Variants in RBM20 observed in about 807,000 individuals in gnomAD.
RBM20 encodes RNA binding motif protein 20.
In RBM20, 51 loss-of-function variants were observed where a neutral mutation model predicts 110.1. That is an observed-to-expected ratio of 0.46 (90% CI 0.37 to 0.59). The LOEUF (loss-of-function observed/expected upper bound fraction) is 0.59, where lower values mean the gene tolerates loss of function less well. RBM20 is among the 20% of genes least tolerant of loss of function. RBM20 has a pLI of 0.00. For missense variants in RBM20, 1,512 were observed against 1,574.9 expected (o/e 0.96, Z 0.68); for synonymous variants, 589 against 618.2 (o/e 0.95, Z 0.70).
At chr10:110,646,137 A>G (rs961484304) in intron 1 of RBM20, among the ~76,000 whole-genome samples, 1 of 152,216 alleles carries the variant, frequency 6.6e-6, no homozygotes, top group Non-Finnish European at 1.5e-5. Context: ...GCTTGAAATC[A>G]GGCTGCATAT....
chr10:110,820,482 A>G (rs1844894771), intron 10 of RBM20, among the ~76,000 whole-genome samples: 1 of 152,210 alleles, frequency 6.6e-6, no homozygotes, highest in Admixed American at 6.5e-5. Flanking sequence ...GGCTCCCAAA[A>G]TAGACAAGTC....
intron 1 of RBM20, among the ~76,000 whole-genome samples, chr10:110,718,003 G>C (rs1287552135): frequency 6.6e-6 from 1 of 152,194 alleles, no homozygotes; most frequent in Admixed American, 6.5e-5. Flanking sequence ...TCGGGCATCT[G>C]TTCTGTTTGA....
chr10:110,673,172 C>A (rs1434989027), intron 1 of RBM20, among the ~76,000 whole-genome samples: 1 of 152,104 alleles, frequency 6.6e-6, no homozygotes, highest in Non-Finnish European at 1.5e-5. Flanking sequence ...GTTCTTGATA[C>A]ATATTCCTGA....
intron 1 of RBM20, among the ~76,000 whole-genome samples, chr10:110,741,374 T>A (rs1564831528): frequency 6.6e-6 from 1 of 152,206 alleles, no homozygotes; most frequent in Non-Finnish European, 1.5e-5. Context: ...GATGTCAGTA[T>A]TTAGGGGACT....
rs1487235723 is a variant in RBM20, at chr10:110,781,061, G to A, written c.452G>A (p.Gly151Glu). Residue 151 changes from glycine (G) to glutamate (E), a missense_variant, in exon 2 of 14, where the codon GGG becomes GAG. Transcript: ENST00000369519. ...SVITGPHGHAGVPQHAAAIPS... is the reference protein window; with the variant it reads ...SVITGPHGHAEVPQHAAAIPS... Reference sequence around the variant, plus strand: ...ATCACTGGCCCCCACGGCCATGCTGGGGTTCCCCAACATGCTGCAGCCATA... The same window carrying A: ...ATCACTGGCCCCCACGGCCATGCTGAGGTTCCCCAACATGCTGCAGCCATA... 5 of 1,551,808 alleles carry A rather than the reference G, an allele frequency of 3.2e-6. No individual in the cohort carries two copies. The highest frequency in any genetic ancestry group is 4.4e-6 in the Non-Finnish European group (5 of 1,147,022).
chr10:110,737,177 CAAAA>C (rs550138775), intron 1 of RBM20, among the ~76,000 whole-genome samples: 7 of 26,626 alleles, frequency 2.6e-4, no homozygotes, highest in South Asian at 1.3e-3. Flanking sequence ...AACTCTGCCT[CAAAA>C]AAAAAAAAAA....
chr10:110,825,185 A>G (rs1844968320), intron 12 of RBM20, among the ~76,000 whole-genome samples: 1 of 152,162 alleles, frequency 6.6e-6, no homozygotes, highest in Admixed American at 6.5e-5. Context: ...TGCAAAGGCC[A>G]CCCTGCAGGA....
chr10:110,800,478 T>A (rs529659622), intron 7 of RBM20, among the ~76,000 whole-genome samples: 2 of 152,328 alleles, frequency 1.3e-5, no homozygotes, highest in East Asian at 3.9e-4. Context: ...TTTCCTTCTT[T>A]TTTGTTTTAT....
intron 1 of RBM20, among the ~76,000 whole-genome samples, chr10:110,760,735 C>G (rs1360115655): frequency 6.7e-6 from 1 of 150,364 alleles, no homozygotes; most frequent in Non-Finnish European, 1.5e-5. Flanking sequence ...GCCACTGCAC[C>G]TGGCCAGGAA....
intron 1 of RBM20, among the ~76,000 whole-genome samples, chr10:110,771,731 G>A (rs1844194888): frequency 6.6e-6 from 1 of 152,188 alleles, no homozygotes; most frequent in Non-Finnish European, 1.5e-5. Context: ...TCAAAGTATG[G>A]TAGATATCTA....
chr10:110,703,054 A>G (rs1183016119), intron 1 of RBM20, among the ~76,000 whole-genome samples: 2 of 142,316 alleles, frequency 1.4e-5, no homozygotes, highest in African/African-American at 5.2e-5. Flanking sequence ...TTTTGTTGAG[A>G]TAATTGTAGA....
chr10:110,698,430 G>A (rs1308361537), intron 1 of RBM20, among the ~76,000 whole-genome samples: 2 of 152,202 alleles, frequency 1.3e-5, no homozygotes, highest in South Asian at 2.1e-4. Flanking sequence ...TCGCTGGCAG[G>A]AGCCTGGCAG....
chr10:110,797,772 G>A (rs560378168), intron 6 of RBM20, 124 bp downstream of exon 6: 2 of 1,020,960 alleles, frequency 2.0e-6, no homozygotes, highest in African/African-American at 1.6e-5. Context: ...CTGGCCTTCT[G>A]TTGGCATGGC....
At chr10:110,737,543 G>C (rs1476536308) in intron 1 of RBM20, among the ~76,000 whole-genome samples, 1 of 151,936 alleles carries the variant, frequency 6.6e-6, no homozygotes, top group Non-Finnish European at 1.5e-5. Context: ...CCAGGAACAA[G>C]TGGCTACCTT....
chr10:110,824,867 G>A (rs1407052518), intron 12 of RBM20, among the ~76,000 whole-genome samples: 2 of 152,114 alleles, frequency 1.3e-5, no homozygotes, highest in African/African-American at 2.4e-5. Context: ...TAAAAAGCAC[G>A]GGTCATCTGA....
rs899383029 is a variant in RBM20 at position 110,812,346 on chromosome 10, C to T, written c.1949C>T (p.Pro650Leu). The T allele has an allele frequency of 2.6e-6, 4 of 1,551,516 alleles. No homozygotes were observed. The highest frequency in any genetic ancestry group is 1.4e-5 in the African/African-American group (1 of 73,038). Residue 650 changes from proline (P) to leucine (L), a missense_variant, in exon 9 of 14, where the codon CCC becomes CTC. Coordinates refer to ENST00000369519, the MANE Select transcript of RBM20 (RefSeq NM_001134363.3). ...TCACTCTCCCCGAGGTCCCACACTC[C>T]CAGCTTCACCTCCTGCAGCTCTTCC... ...SRSLSPRSHT[P>L]SFTSCSSSHS...
At chr10:110,792,929 A>G (rs183635413) in intron 5 of RBM20, among the ~76,000 whole-genome samples, 101 of 152,290 alleles carry the variant, frequency 6.6e-4, no homozygotes, top group Non-Finnish European at 7.4e-4. Flanking sequence ...ATTCATTGGA[A>G]CAGGGAGTGG....
intron 1 of RBM20, among the ~76,000 whole-genome samples, chr10:110,722,798 T>A (rs1843523335): frequency 6.6e-6 from 1 of 152,102 alleles, no homozygotes; most frequent in Non-Finnish European, 1.5e-5. Context: ...GGCTAGGACA[T>A]ATACTGGGGA....
intron 1 of RBM20, among the ~76,000 whole-genome samples, chr10:110,672,057 G>A (rs1324571358): frequency 1.6e-4 from 22 of 141,774 alleles, no homozygotes; most frequent in African/African-American, 4.9e-4. Context: ...CCCTATTAGG[G>A]ACTCTTCTTC....
Sources: gnomAD v4.1 joint callset for allele counts (sites outside exome capture counted in the v4.1 genomes callset) on GRCh38, gnomAD v4.1.1 for gene constraint, MANE v1.5 for transcripts, NCBI Gene and HGNC (gene_info 2026-07-23, HGNC 2026-07-21) for gene names.